VAT1L: variants seen among roughly 807,000 people sequenced by gnomAD.
VAT1L encodes the protein vesicle amine transport 1 like.
A neutral mutation model predicts 44.1 loss-of-function variants in VAT1L; 34 were observed. The observed-to-expected ratio is 0.77, with a 90% confidence interval of 0.59 to 1.03. VAT1L has a LOEUF of 1.03. VAT1L is among the 50% of genes least tolerant of loss of function. The probability of loss-of-function intolerance (pLI) is 0.00; values close to 1 mark genes in which losing one functional copy is unlikely to be tolerated. For missense variants in VAT1L, 615 were observed against 538.8 expected (o/e 1.14, Z -1.40); for synonymous variants, 253 against 202.2 (o/e 1.25, Z -2.13).
chr16:77,802,904 G>A (rs1326905137), intron 1 of VAT1L, among the ~76,000 whole-genome samples: 1 of 152,034 alleles, frequency 6.6e-6, no homozygotes, highest in Non-Finnish European at 1.5e-5. Flanking sequence ...CAATCAAGCA[G>A]GCCTTTGATC....
intron 1 of VAT1L, among the ~76,000 whole-genome samples, chr16:77,791,848 G>A (rs892668923): frequency 9.2e-5 from 14 of 152,208 alleles, no homozygotes; most frequent in African/African-American, 3.1e-4. Flanking sequence ...TGGAATGATA[G>A]CAGAGTCTTC....
chr16:77,924,021 T>C (rs2017640223), intron 7 of VAT1L, among the ~76,000 whole-genome samples: 1 of 151,776 alleles, frequency 6.6e-6, no homozygotes, highest in African/African-American at 2.4e-5. Context: ...ACACAAGAAG[T>C]TGCATCCCCA....
chr16:77,886,343 A>G (rs1475347784), intron 7 of VAT1L, among the ~76,000 whole-genome samples: 2 of 152,186 alleles, frequency 1.3e-5, no homozygotes, highest in Non-Finnish European at 2.9e-5. Context: ...CTCAATGGTC[A>G]GGAAGGAGAG....
At chr16:77,897,807 G>A (rs2017339978) in intron 7 of VAT1L, among the ~76,000 whole-genome samples, 2 of 152,158 alleles carry the variant, frequency 1.3e-5, no homozygotes, top group South Asian at 2.1e-4. Context: ...CCACTTCCTA[G>A]TGGTTTGTCC....
Position 77,886,384 on chromosome 16 carries a change from G to C in VAT1L, c.1077+1582G>C, listed in dbSNP as rs368272875. Among the ~76,000 whole-genome samples the C allele has an allele frequency of 1.8e-4, 28 of 152,272 alleles. No individual in the cohort carries two copies. In the East Asian group the frequency reaches 5.0e-3, roughly 27 times the overall value. The stretch of plus-strand genomic sequence containing the variant: ...GGAATCATCAAGAAAAAAGCTAAGA[G>C]ATATACTTGTCCATGGGCCAGAGAA... On this transcript the variant is annotated intron_variant, in intron 7 of 8. Transcript: ENST00000302536.
chr16:77,830,904 G>A (rs780708192), intron 3 of VAT1L, among the ~76,000 whole-genome samples: 4 of 152,122 alleles, frequency 2.6e-5, no homozygotes, highest in Non-Finnish European at 5.9e-5. Context: ...GGCTGTTCTC[G>A]AACTCCTGAT....
At chr16:77,871,185 G>A (rs1319101178) in intron 4 of VAT1L, among the ~76,000 whole-genome samples, 3 of 152,116 alleles carry the variant, frequency 2.0e-5, no homozygotes, top group Non-Finnish European at 4.4e-5. Flanking sequence ...AATGATATCT[G>A]CCTCTGCCCA....
intron 4 of VAT1L, among the ~76,000 whole-genome samples, chr16:77,865,404 A>T (rs544891308): frequency 8.5e-4 from 129 of 152,266 alleles, no homozygotes; most frequent in Middle Eastern, 6.8e-3. Flanking sequence ...CATGAATACA[A>T]TTGCTTAATA....
chr16:77,901,044 G>A (rs945447231), intron 7 of VAT1L, among the ~76,000 whole-genome samples: 5 of 151,968 alleles, frequency 3.3e-5, no homozygotes, highest in African/African-American at 1.2e-4. Context: ...AGGTGAATGA[G>A]GACTGGAATG....
intron 2 of VAT1L, among the ~76,000 whole-genome samples, chr16:77,821,316 T>G (rs1487608381): frequency 6.6e-6 from 1 of 151,504 alleles, no homozygotes; most frequent in Non-Finnish European, 1.5e-5. Flanking sequence ...TTTTTTTTTT[T>G]CGAGATGGGA....
At chr16:77,964,944 C>T (rs1400322595) in intron 7 of VAT1L, among the ~76,000 whole-genome samples, 1 of 152,032 alleles carries the variant, frequency 6.6e-6, no homozygotes, top group Non-Finnish European at 1.5e-5. Context: ...GCATGCACCA[C>T]CATGCCCGGC....
At chr16:77,972,330 T>C (rs1335942058) in intron 8 of VAT1L, among the ~76,000 whole-genome samples, 2 of 151,720 alleles carry the variant, frequency 1.3e-5, no homozygotes, top group East Asian at 3.9e-4. Context: ...TTTTTCTTTC[T>C]TTCAGAGAGA....
intron 3 of VAT1L, among the ~76,000 whole-genome samples, chr16:77,846,544 A>C (rs1428819964): frequency 1.3e-5 from 2 of 152,200 alleles, no homozygotes; most frequent in Non-Finnish European, 2.9e-5. Flanking sequence ...ATTGAGCATC[A>C]GCAGTTCTTC....
chr16:77,887,782 T>A (rs1163499760), intron 7 of VAT1L, among the ~76,000 whole-genome samples: 1 of 152,214 alleles, frequency 6.6e-6, no homozygotes, highest in East Asian at 1.9e-4. Context: ...CCATCTTTAT[T>A]CTTAGCACTG....
At chr16:77,959,999 G>T (rs1032356308) in intron 7 of VAT1L, among the ~76,000 whole-genome samples, 4 of 151,774 alleles carry the variant, frequency 2.6e-5, no homozygotes, top group African/African-American at 9.7e-5. Context: ...CTCTCCTCTT[G>T]CCATAGCTAA....
chr16:77,822,521 T>G (rs936369180), intron 2 of VAT1L, among the ~76,000 whole-genome samples: 2 of 151,932 alleles, frequency 1.3e-5, no homozygotes, highest in Non-Finnish European at 2.9e-5. Flanking sequence ...CTAGGGTCAT[T>G]TAGGGGCTTG....
intron 7 of VAT1L, among the ~76,000 whole-genome samples, chr16:77,902,736 G>GGT (rs758660066): frequency 7.7e-6 from 1 of 129,064 alleles, no homozygotes; most frequent in Non-Finnish European, 1.6e-5. Flanking sequence ...GGGGGGTGGG[G>GGT]GGGGTGTGGA....
chr16:77,791,936 C>T (rs1199730306), intron 1 of VAT1L, among the ~76,000 whole-genome samples: 1 of 152,130 alleles, frequency 6.6e-6, no homozygotes, highest in Non-Finnish European at 1.5e-5. Flanking sequence ...CTTTACGCAA[C>T]AAGAGGTTTA....
intron 3 of VAT1L, among the ~76,000 whole-genome samples, chr16:77,828,979 C>T (rs1008990736): frequency 2.0e-5 from 3 of 152,122 alleles, no homozygotes; most frequent in Non-Finnish European, 2.9e-5. Context: ...TATGGGAAAC[C>T]GATACTACCA....
Sources: allele counts gnomAD v4.1 joint callset (sites outside exome capture counted in the v4.1 genomes callset), GRCh38; gene constraint gnomAD v4.1.1; transcripts MANE v1.5; gene names NCBI Gene and HGNC (gene_info 2026-07-23, HGNC 2026-07-21).